ZNF385D: variants seen among roughly 807,000 people sequenced by gnomAD.
The protein encoded by ZNF385D is zinc finger protein 659.
Under a neutral mutation model 35.8 loss-of-function variants are expected in ZNF385D, and 15 were observed. The ratio of observed to expected loss-of-function variants is 0.42; its 90% CI spans 0.28 to 0.64. The LOEUF (loss-of-function observed/expected upper bound fraction) is 0.64. Ranked by LOEUF, ZNF385D falls within the 30% of genes least tolerant of loss-of-function variation. ZNF385D has a pLI of 0.23. For missense variants in ZNF385D, 474 were observed against 494.6 expected (o/e 0.96, Z 0.39); for synonymous variants, 212 against 186.8 (o/e 1.13, Z -1.10).
At chr3:21,565,195 A>G (rs1448246858) in intron 2 of ZNF385D, among the ~76,000 whole-genome samples, 2 of 152,076 alleles carry the variant, frequency 1.3e-5, no homozygotes, top group Non-Finnish European at 2.9e-5. Context: ...ATTGAAACAT[A>G]TGGAGATGTT....
At chr3:21,757,892 A>G (rs1325578682) in intron 3 of ZNF385D, among the ~76,000 whole-genome samples, 3 of 152,182 alleles carry the variant, frequency 2.0e-5, no homozygotes. Context: ...GGTGTCTGAA[A>G]CATAGGAGAC....
chr3:21,636,366 ATATATATATGAT>A (rs1228073360), intron 2 of ZNF385D, among the ~76,000 whole-genome samples: 21 of 127,876 alleles, frequency 1.6e-4, no homozygotes, highest in East Asian at 1.1e-3. Flanking sequence ...ATATATGATT[ATATATATATGAT>A]TATATATATA....
At chr3:21,674,059 C>G (rs1022910227) in intron 1 of ZNF385D, among the ~76,000 whole-genome samples, 1 of 152,084 alleles carries the variant, frequency 6.6e-6, no homozygotes, top group African/African-American at 2.4e-5. Context: ...ATCTGTACCT[C>G]TTAACTGAGA....
At chr3:21,526,613 C>T (rs1028809213) in intron 3 of ZNF385D, among the ~76,000 whole-genome samples, 2 of 152,088 alleles carry the variant, frequency 1.3e-5, no homozygotes, top group Admixed American at 6.5e-5. Flanking sequence ...AAAGGGAATG[C>T]CTATCACTAT....
intron 1 of ZNF385D, among the ~76,000 whole-genome samples, chr3:21,698,730 TA>T (rs35404360): frequency 0.32 from 46,575 of 146,274 alleles, 7,380 homozygotes; most frequent in East Asian, 0.45. Flanking sequence ...CCAACAAACA[TA>T]AAAAAAAAAA....
intron 2 of ZNF385D, among the ~76,000 whole-genome samples, chr3:22,325,822 A>C (rs560535020): frequency 3.4e-5 from 5 of 145,346 alleles, no homozygotes; most frequent in Non-Finnish European, 6.3e-5. Context: ...GAGGGAACAA[A>C]AAGAATCACA....
chr3:21,818,324 T>C (rs988830076), intron 3 of ZNF385D, among the ~76,000 whole-genome samples: 5 of 152,172 alleles, frequency 3.3e-5, no homozygotes, highest in Non-Finnish European at 5.9e-5. Context: ...GAACATAAGG[T>C]ATAATAATAA....
intron 3 of ZNF385D, among the ~76,000 whole-genome samples, chr3:21,985,413 T>C (rs1694750439): frequency 8.6e-6 from 1 of 116,642 alleles, no homozygotes; most frequent in Non-Finnish European, 1.8e-5. Flanking sequence ...TTTCTGCATC[T>C]ATTGAGATAA....
intron 3 of ZNF385D, among the ~76,000 whole-genome samples, chr3:21,786,455 A>G (rs2071693991): frequency 6.6e-6 from 1 of 152,196 alleles, no homozygotes; most frequent in Admixed American, 6.5e-5. Context: ...TTCACAGCAA[A>G]TGGGATATAG....
At chr3:21,570,156 T>C (rs926745627) in intron 2 of ZNF385D, among the ~76,000 whole-genome samples, 5 of 152,128 alleles carry the variant, frequency 3.3e-5, no homozygotes, top group African/African-American at 1.2e-4. Flanking sequence ...ACACTAGCTA[T>C]TGACACGCTT....
At chr3:21,751,223 A>G (rs935250644), upstream of ZNF385D, 1 of 1,255,522 alleles carries the variant, frequency 8.0e-7, no homozygotes, top group Non-Finnish European at 1.0e-6. Flanking sequence ...GAGTACTACA[A>G]GCAGACCCCT....
At chr3:21,832,571 C>T (rs776451682) in intron 3 of ZNF385D, among the ~76,000 whole-genome samples, 11 of 152,104 alleles carry the variant, frequency 7.2e-5, no homozygotes, top group Admixed American at 2.0e-4. Context: ...TTTAAGGTCA[C>T]GGCTGCTCCA....
chr3:21,914,925 TAAA>T (rs200010454), intron 3 of ZNF385D, among the ~76,000 whole-genome samples: 1 of 137,724 alleles, frequency 7.3e-6, no homozygotes. Flanking sequence ...AAAAATTCAG[TAAA>T]AAAAAAAAAA....
At chr3:21,852,814 T>C (rs1696465684) in intron 3 of ZNF385D, among the ~76,000 whole-genome samples, 1 of 151,890 alleles carries the variant, frequency 6.6e-6, no homozygotes, top group African/African-American at 2.4e-5. Flanking sequence ...CGGATTAGGA[T>C]ATTGAAAAAG....
chr3:21,878,625 T>C (rs990845840), intron 3 of ZNF385D, among the ~76,000 whole-genome samples: 5 of 152,090 alleles, frequency 3.3e-5, no homozygotes, highest in African/African-American at 9.7e-5. Context: ...CATGTTTCCA[T>C]TGTTATAAAC....
intron 5 of ZNF385D, among the ~76,000 whole-genome samples, chr3:21,430,065 A>C (rs1232668496): frequency 3.9e-5 from 6 of 152,096 alleles, no homozygotes; most frequent in Non-Finnish European, 5.9e-5. Flanking sequence ...GTGTTCTTTT[A>C]AAAATCTCTA....
intron 3 of ZNF385D, among the ~76,000 whole-genome samples, chr3:21,890,949 G>A (rs1698826642): frequency 6.6e-6 from 1 of 152,088 alleles, no homozygotes; most frequent in Admixed American, 6.5e-5. Flanking sequence ...ATTTCAAGGT[G>A]GGAGAAGAGA....
At chr3:21,846,571 T>C (rs1696018295) in intron 3 of ZNF385D, among the ~76,000 whole-genome samples, 1 of 151,846 alleles carries the variant, frequency 6.6e-6, no homozygotes, top group Non-Finnish European at 1.5e-5. Context: ...AAATCAGAAA[T>C]TGATTGAGAA....
At chr3:22,364,061 A>G (rs1319646533) in intron 2 of ZNF385D, among the ~76,000 whole-genome samples, 1 of 152,120 alleles carries the variant, frequency 6.6e-6, no homozygotes, top group African/African-American at 2.4e-5. Flanking sequence ...TTGTGATAGT[A>G]TTCACATTCT....
Sources: allele counts gnomAD v4.1 joint callset (sites outside exome capture counted in the v4.1 genomes callset), GRCh38; gene constraint gnomAD v4.1.1; transcripts MANE v1.5; gene names NCBI Gene and HGNC (gene_info 2026-07-23, HGNC 2026-07-21).